Variants in MYLK3 observed in about 807,000 individuals in gnomAD.
The protein encoded by MYLK3 is MLC kinase.
A neutral mutation model predicts 76.3 loss-of-function variants in MYLK3; 55 were observed. That is an observed-to-expected ratio of 0.72 (90% CI 0.58 to 0.90). The LOEUF (loss-of-function observed/expected upper bound fraction) is 0.90, where lower values mean the gene tolerates loss of function less well. Among genes scored for constraint, MYLK3 ranks in the 40% least tolerant of loss-of-function variants. The pLI is 0.00. For synonymous variants in MYLK3, 416 were observed against 425.4 expected (o/e 0.98, Z 0.27); for missense variants, 973 against 1,053.6 (o/e 0.92, Z 1.06).
At chr16:46,718,341 G>A (rs150072337) in intron 9 of MYLK3, among the ~76,000 whole-genome samples, 65 of 152,214 alleles carry the variant, frequency 4.3e-4, no homozygotes, top group African/African-American at 1.3e-3. Flanking sequence ...TTTTTTTTCT[G>A]TTCATGAACT....
chr16:46,713,810 C>G (rs1208226838), intron 9 of MYLK3, among the ~76,000 whole-genome samples: 1 of 152,312 alleles, frequency 6.6e-6, no homozygotes, highest in Non-Finnish European at 1.5e-5. Flanking sequence ...GATTCCACAC[C>G]TAAGTGAGAT....
chr16:46,716,497 A>ATGTGTG (rs869246629), intron 9 of MYLK3, among the ~76,000 whole-genome samples: 32 of 21,658 alleles, frequency 1.5e-3, no homozygotes, highest in African/African-American at 2.0e-3. Context: ...GTGTATATAT[A>ATGTGTG]TGTGTGTGTG....
intron 3 of MYLK3, among the ~76,000 whole-genome samples, chr16:46,733,102 C>T (rs1383263240): frequency 6.6e-6 from 1 of 152,216 alleles, no homozygotes; most frequent in Non-Finnish European, 1.5e-5. Context: ...TGGCTCACAC[C>T]TGTAATCCCA....
At chr16:46,745,629 C>T (rs1967008647) in intron 1 of MYLK3, among the ~76,000 whole-genome samples, 1 of 152,028 alleles carries the variant, frequency 6.6e-6, no homozygotes, top group Non-Finnish European at 1.5e-5. Flanking sequence ...GTCTGTAATC[C>T]CAGCTATTCA....
chr16:46,754,415 C>A (rs1596778708), intron 1 of MYLK3, among the ~76,000 whole-genome samples: 1 of 152,068 alleles, frequency 6.6e-6, no homozygotes, highest in Middle Eastern at 3.4e-3. Context: ...CTTTAAGAAG[C>A]AACTGGATCA....
intron 1 of MYLK3, among the ~76,000 whole-genome samples, chr16:46,758,304 ACTCTCTCTCTCTCTCTCTCT>A (rs3044832): frequency 2.3e-5 from 2 of 87,266 alleles, no homozygotes; most frequent in Non-Finnish European, 4.5e-5. Context: ...ACACACACAC[ACTCTCTCTCTCTCTCTCTCT>A]CTCTCTCTCT....
intron 1 of MYLK3, among the ~76,000 whole-genome samples, chr16:46,755,906 C>CTTTTTTTTTTTTTT (rs772833701): frequency 9.1e-6 from 1 of 109,768 alleles, no homozygotes; most frequent in African/African-American, 3.8e-5. Flanking sequence ...TTTTTTCTTT[C>CTTTTTTTTTTTTTT]TTTTTTTTTT....
chr16:46,735,235 C>T (rs1966862690), intron 3 of MYLK3, among the ~76,000 whole-genome samples: 1 of 152,098 alleles, frequency 6.6e-6, no homozygotes, highest in Non-Finnish European at 1.5e-5. Context: ...AACAAAGTCT[C>T]GGTCTTGTCC....
intron 9 of MYLK3, among the ~76,000 whole-genome samples, chr16:46,717,804 C>T (rs1966759379): frequency 6.6e-6 from 1 of 152,258 alleles, no homozygotes. Context: ...AGCATAGCAG[C>T]ATTGCCTGCA....
At chr16:46,726,693 G>GAAAGAAAGAA (rs1277054189) in intron 8 of MYLK3, 1 of 129,864 alleles carries the variant, frequency 7.7e-6, no homozygotes, top group Non-Finnish European at 1.6e-5. Flanking sequence ...AAGAAAGAAA[G>GAAAGAAAGAA]AAAGAAAGAA....
In MYLK3 at chr16:46,704,722, T is replaced by C. The variant is rs896863383; in HGVS notation, c.*2982A>G. The C allele has an allele frequency of 3.9e-5, 6 of 152,226 alleles. No individual in the cohort carries two copies. The highest frequency in any genetic ancestry group is 8.8e-5 in the Non-Finnish European group (6 of 68,040). The allele number at this position is 152,226 out of a possible 1,614,324, so 9.4% of individuals were successfully genotyped here. A position where few individuals can be genotyped will look rare whatever the true frequency, so the allele number is the denominator to read the frequency against. ...TTAATTATGTGTATAGCCTGTACTA[T>C]ATTTTTGTTGGGCAGTGCTGCTCTA... On this transcript the variant is annotated 3_prime_UTR_variant, in exon 13 of 13. Transcript: ENST00000394809.
At position 46,732,799 on chromosome 16, in the gene MYLK3, G is replaced by C. The variant is rs1221089519; in HGVS notation, c.1002-131C>G. 4.2e-6 allele frequency: 3 copies of C among 706,616 alleles called. No homozygotes were observed. In the African/African-American group the frequency reaches 5.4e-5, roughly 13 times the overall value. The allele number at this position is 706,616 out of a possible 1,614,324, so 43.8% of individuals were successfully genotyped here. ...GGGCCCTGCTAGACAGGACACCAGGGCAGGAGCTGACTTCAGTGACAGTTG... is the reference window on the plus strand; with the variant it reads ...GGGCCCTGCTAGACAGGACACCAGGCCAGGAGCTGACTTCAGTGACAGTTG... On this transcript the variant is annotated intron_variant, in intron 3 of 12. Transcript: ENST00000394809.
intron 7 of MYLK3, 115 bp from the exon 8 acceptor site, chr16:46,727,492 A>C: frequency 4.3e-6 from 5 of 1,159,740 alleles, no homozygotes; most frequent in Non-Finnish European, 5.9e-6. Flanking sequence ...ATCACACCCC[A>C]TGGGTCACAG....
chr16:46,717,332 G>A (rs1030010010), intron 9 of MYLK3, among the ~76,000 whole-genome samples: 8 of 152,320 alleles, frequency 5.3e-5, no homozygotes, highest in African/African-American at 1.9e-4. Flanking sequence ...TGAGAGCAGA[G>A]GAAATACAAT....
chr16:46,750,381 C>T (rs1208472969), upstream of MYLK3, among the ~76,000 whole-genome samples: 2 of 152,106 alleles, frequency 1.3e-5, no homozygotes, highest in African/African-American at 2.4e-5. Context: ...GAACCAGCAA[C>T]CAGGCAAGTC....
intron 3 of MYLK3, among the ~76,000 whole-genome samples, chr16:46,735,604 C>T (rs1050963756): frequency 1.3e-5 from 2 of 152,216 alleles, no homozygotes; most frequent in Non-Finnish European, 2.9e-5. Flanking sequence ...CTCTGACACA[C>T]CTGTCCCTAG....
chr16:46,721,159 T>G lies in MYLK3; in HGVS notation c.1949A>C (p.His650Pro). The change falls in exon 9 of 13, where the codon CAT (histidine) becomes CCT (proline). Residue 650 changes from histidine (H) to proline (P), a missense_variant. By Grantham distance (77) the His-to-Pro change is moderately conservative. Transcript: ENST00000394809. ...CCCAAAGTCAATGATCTTAATTTGA[T>G]GTCCTGTCTGATTGACGCACAATAT... ...ENILCVNQTGHQIKIIDFGLA... is the reference protein window; with the variant it reads ...ENILCVNQTGPQIKIIDFGLA... 6.2e-7 allele frequency: 1 copy of G among 1,614,234 alleles called. No individual in the cohort carries two copies. Among genetic ancestry groups the G allele is most frequent in the Non-Finnish European group, 8.5e-7 (1 of 1,180,038 alleles).
chr16:46,729,485 A>G (rs938387084), intron 6 of MYLK3, 109 bp downstream of exon 6: 4 of 1,023,378 alleles, frequency 3.9e-6, no homozygotes, highest in Non-Finnish European at 6.0e-6. Flanking sequence ...TCTGGAAAAG[A>G]GCAGGAATAA....
chr16:46,708,303 A>T (rs1018787132), intron 12 of MYLK3, among the ~76,000 whole-genome samples: 3 of 152,214 alleles, frequency 2.0e-5, no homozygotes, highest in African/African-American at 7.2e-5. Context: ...TCATGCTTTG[A>T]TAGAACAGTG....
Sources: allele counts gnomAD v4.1 joint callset (sites outside exome capture counted in the v4.1 genomes callset), GRCh38; gene constraint gnomAD v4.1.1; transcripts MANE v1.5; gene names NCBI Gene and HGNC (gene_info 2026-07-23, HGNC 2026-07-21).